SLC4A8: variants seen among roughly 807,000 people sequenced by gnomAD.
SLC4A8 encodes electroneutral sodium bicarbonate exchanger 1.
Under a neutral mutation model 125.0 loss-of-function variants are expected in SLC4A8, and 40 were observed. That is an observed-to-expected ratio of 0.32 (90% CI 0.25 to 0.42). SLC4A8 has a LOEUF of 0.42. Among genes scored for constraint, SLC4A8 ranks in the 10% least tolerant of loss-of-function variants. SLC4A8 has a pLI of 1.00. For synonymous variants in SLC4A8, 456 were observed against 476.0 expected (o/e 0.96, Z 0.55); for missense variants, 863 against 1,355.1 (o/e 0.64, Z 5.70).
chr12:51,488,156 A>G (rs2138390903), intron 17 of SLC4A8, among the ~76,000 whole-genome samples: 1 of 152,378 alleles, frequency 6.6e-6, no homozygotes, highest in Middle Eastern at 3.4e-3. Context: ...ATTACTGAGC[A>G]AAAGGGGCTT....
chr12:51,490,583 A>G (rs200976048), intron 19 of SLC4A8, among the ~76,000 whole-genome samples: 1 of 117,622 alleles, frequency 8.5e-6, no homozygotes. Context: ...AAAAAAAAAA[A>G]AGATGAGGTG....
chr12:51,448,375 G>A (rs1949854253), intron 2 of SLC4A8, among the ~76,000 whole-genome samples: 1 of 152,164 alleles, frequency 6.6e-6, no homozygotes, highest in Non-Finnish European at 1.5e-5. Flanking sequence ...AGAATGACAA[G>A]GCCATGAACA....
intron 24 of SLC4A8, among the ~76,000 whole-genome samples, chr12:51,506,335 T>C (rs1483732125): frequency 8.5e-5 from 13 of 152,264 alleles, no homozygotes; most frequent in African/African-American, 3.1e-4. Flanking sequence ...CTTTAACCTA[T>C]TTCACTTGTT....
At chr12:51,504,794 CCTTTCT>C (rs759129256) in intron 23 of SLC4A8, among the ~76,000 whole-genome samples, 1 of 152,156 alleles carries the variant, frequency 6.6e-6, no homozygotes, top group Non-Finnish European at 1.5e-5. Flanking sequence ...GATTTTAGCC[CCTTTCT>C]CTATCAAACC....
intron 16 of SLC4A8, among the ~76,000 whole-genome samples, chr12:51,478,404 A>G (rs1360795891): frequency 6.6e-6 from 1 of 152,060 alleles, no homozygotes; most frequent in African/African-American, 2.4e-5. Flanking sequence ...ACTCTACTGC[A>G]CTCCAGCCTG....
chr12:51,439,137 A>G (rs1481687698), intron 1 of SLC4A8, among the ~76,000 whole-genome samples: 1 of 151,964 alleles, frequency 6.6e-6, no homozygotes, highest in African/African-American at 2.4e-5. Context: ...GCTCACTGCA[A>G]CCTCTGCCTC....
intron 14 of SLC4A8, among the ~76,000 whole-genome samples, chr12:51,472,555 C>T (rs973455739): frequency 2.0e-5 from 3 of 152,100 alleles, no homozygotes; most frequent in Non-Finnish European, 2.9e-5. Context: ...GATTCTTTGA[C>T]CTCTTTTTAT....
At chr12:51,439,204 G>A (rs1376900966) in intron 1 of SLC4A8, among the ~76,000 whole-genome samples, 2 of 152,122 alleles carry the variant, frequency 1.3e-5, no homozygotes, top group South Asian at 2.1e-4. Flanking sequence ...CTACAGGCAC[G>A]CACCACCACA....
intron 1 of SLC4A8, 119 bp downstream of exon 1, chr12:51,425,154 A>G: frequency 6.9e-7 from 1 of 1,446,566 alleles, no homozygotes; most frequent in Non-Finnish European, 9.1e-7. Context: ...CCTGAGGGCG[A>G]GGGGAGGCCA....
At chr12:51,405,542 C>T (rs1011595696) in intron 1 of SLC4A8, among the ~76,000 whole-genome samples, 7 of 152,176 alleles carry the variant, frequency 4.6e-5, no homozygotes, top group African/African-American at 1.4e-4. Flanking sequence ...CCTTTATGTT[C>T]ATCTATGGCC....
At chr12:51,424,009 C>G (rs1425639425), upstream of SLC4A8, among the ~76,000 whole-genome samples, 1 of 118,630 alleles carries the variant, frequency 8.4e-6, no homozygotes, top group African/African-American at 3.2e-5. Context: ...GCACTCCAGC[C>G]TGGGCAACAA....
intron 1 of SLC4A8, among the ~76,000 whole-genome samples, chr12:51,406,613 T>C (rs1353153856): frequency 6.6e-6 from 1 of 152,172 alleles, no homozygotes; most frequent in Non-Finnish European, 1.5e-5. Flanking sequence ...GGTAGGTAAG[T>C]GGGAGAGATG....
chr12:51,425,496 T>C (rs1948940702), intron 1 of SLC4A8: 1 of 926,564 alleles, frequency 1.1e-6, no homozygotes. Flanking sequence ...CAGAAAAGAC[T>C]CTGGAGGCTG....
At chr12:51,506,868 A>T (rs759473078) in intron 24 of SLC4A8, among the ~76,000 whole-genome samples, 3 of 152,228 alleles carry the variant, frequency 2.0e-5, no homozygotes, top group Admixed American at 6.5e-5. Flanking sequence ...CTATATGCCA[A>T]AATTTCTTGA....
chr12:51,491,740 G>GACACACACACACACACACAC (rs35694156), intron 19 of SLC4A8, among the ~76,000 whole-genome samples: 58 of 146,028 alleles, frequency 4.0e-4, no homozygotes, highest in East Asian at 1.4e-3. Context: ...GGGATGGGCA[G>GACACACACACACACACACAC]ACACACACAC....
At chr12:51,401,253 C>G (rs1376801678) in intron 1 of SLC4A8, among the ~76,000 whole-genome samples, 1 of 152,130 alleles carries the variant, frequency 6.6e-6, no homozygotes, top group Non-Finnish European at 1.5e-5. Flanking sequence ...TGGATTAGAC[C>G]CTCTGCCTTA....
Position 51,497,126 on chromosome 12 carries a change from T to C in SLC4A8, c.3081+2T>C. On this transcript the variant is annotated splice_donor_variant, in intron 22 of 24. Coordinates refer to ENST00000453097, the MANE Select transcript of SLC4A8 (RefSeq NM_001039960.3). LOFTEE classifies it high-confidence loss of function. ...AAAAAGAAGGCCAAGGAGGAAGAGGTCATAGTCCTTGCACCAACTGTATAC... is the reference window on the plus strand; with the variant it reads ...AAAAAGAAGGCCAAGGAGGAAGAGGCCATAGTCCTTGCACCAACTGTATAC... 1 of 1,610,278 alleles carries C rather than the reference T, an allele frequency of 6.2e-7. No homozygotes were observed. The highest frequency in any genetic ancestry group is 8.5e-7 in the Non-Finnish European group (1 of 1,178,986).
At chr12:51,482,670 G>A (rs943638448) in intron 16 of SLC4A8, among the ~76,000 whole-genome samples, 3 of 152,146 alleles carry the variant, frequency 2.0e-5, no homozygotes, top group Non-Finnish European at 2.9e-5. Context: ...GTGAGCCACC[G>A]TGCCTGGCCT....
At chr12:51,447,241 CCTGT>C (rs956291521) in intron 2 of SLC4A8, among the ~76,000 whole-genome samples, 5 of 152,072 alleles carry the variant, frequency 3.3e-5, no homozygotes, top group Admixed American at 3.3e-4. Context: ...CACCACCACA[CCTGT>C]CTAATTTTTT....
Sources: gnomAD v4.1 joint callset for allele counts (sites outside exome capture counted in the v4.1 genomes callset) on GRCh38, gnomAD v4.1.1 for gene constraint, MANE v1.5 for transcripts, NCBI Gene and HGNC (gene_info 2026-07-23, HGNC 2026-07-21) for gene names.